Variants in SELENOF observed in about 807,000 individuals in gnomAD.
SELENOF encodes 15 kDa selenoprotein.
SELENOF carries 16 observed loss-of-function variants against 20.5 expected under a neutral mutation model. The ratio of observed to expected loss-of-function variants is 0.78; its 90% CI spans 0.53 to 1.19. The LOEUF is 1.19. SELENOF is among the 50% of genes most tolerant of loss of function. The probability of loss-of-function intolerance (pLI) is 0.00; values close to 1 mark genes in which losing one functional copy is unlikely to be tolerated. For missense variants in SELENOF, 215 were observed against 194.2 expected (o/e 1.11, Z -0.64); for synonymous variants, 78 against 74.5 (o/e 1.05, Z -0.24).
At chr1:86,899,996 C>G (rs890215800) in intron 2 of SELENOF, among the ~76,000 whole-genome samples, 2 of 150,682 alleles carry the variant, frequency 1.3e-5, no homozygotes, top group Non-Finnish European at 3.0e-5. Context: ...GATGGGCGGC[C>G]GGGCAGAGAC....
intron 2 of SELENOF, among the ~76,000 whole-genome samples, chr1:86,888,355 A>ATTTTATTT (rs1419592828): frequency 9.2e-5 from 14 of 152,312 alleles, no homozygotes; most frequent in African/African-American, 3.4e-4. Flanking sequence ...CCTTGGTAAT[A>ATTTTATTT]CTAAAAGTAT....
intron 3 of SELENOF, among the ~76,000 whole-genome samples, chr1:86,872,732 C>T (rs375568357): frequency 2.1e-4 from 32 of 151,860 alleles, no homozygotes; most frequent in African/African-American, 6.5e-4. Flanking sequence ...GTGGAAACCC[C>T]GTCTCAATAC....
chr1:86,908,490 G>A (rs1659888554), intron 1 of SELENOF, among the ~76,000 whole-genome samples: 2 of 152,204 alleles, frequency 1.3e-5, no homozygotes, highest in Non-Finnish European at 2.9e-5. Flanking sequence ...AGACCACACA[G>A]GAAACAAGAG....
chr1:86,914,310 C>G, upstream of SELENOF: 1 of 596,948 alleles, frequency 1.7e-6, no homozygotes, highest in Non-Finnish European at 3.0e-6. Context: ...AAATCAGGCA[C>G]TTGCCTAAAC....
chr1:86,867,644 T>G (rs1658637458), intron 4 of SELENOF, among the ~76,000 whole-genome samples: 1 of 152,140 alleles, frequency 6.6e-6, no homozygotes, highest in African/African-American at 2.4e-5. Context: ...GGTAGATATG[T>G]AATATTATGC....
At chr1:86,865,279 T>C (rs957792402) in intron 4 of SELENOF, among the ~76,000 whole-genome samples, 5 of 151,838 alleles carry the variant, frequency 3.3e-5, no homozygotes, top group Non-Finnish European at 5.9e-5. Flanking sequence ...ACAAAAACAG[T>C]AACAGGACCA....
At chr1:86,883,471 T>TGTACACTAGTGTATAGTGTAC (rs1659131676) in intron 2 of SELENOF, among the ~76,000 whole-genome samples, 1 of 151,582 alleles carries the variant, frequency 6.6e-6, no homozygotes, top group Non-Finnish European at 1.5e-5. Flanking sequence ...GTATAGTGTA[T>TGTACACTAGTGTATAGTGTAC]GTACACTAGT....
chr1:86,864,762 G>A (rs569023690), intron 4 of SELENOF, among the ~76,000 whole-genome samples: 1 of 150,728 alleles, frequency 6.6e-6, no homozygotes, highest in Admixed American at 6.6e-5. Flanking sequence ...TCAGCCTCCC[G>A]AGTAGCTGGG....
intron 1 of SELENOF, among the ~76,000 whole-genome samples, chr1:86,904,684 C>T (rs943625668): frequency 2.6e-5 from 4 of 152,146 alleles, no homozygotes; most frequent in South Asian, 2.1e-4. Flanking sequence ...TTTCCTAACA[C>T]CCCAAACTCA....
intron 3 of SELENOF, among the ~76,000 whole-genome samples, chr1:86,871,966 A>G (rs909977223): frequency 2.0e-5 from 3 of 152,082 alleles, no homozygotes; most frequent in Non-Finnish European, 1.5e-5. Flanking sequence ...TTTTCTTTTA[A>G]AAGATTCTGG....
chr1:86,913,934 C>G, intron 1 of SELENOF, 94 bp downstream of exon 1: 1 of 1,207,062 alleles, frequency 8.3e-7, no homozygotes, highest in Non-Finnish European at 1.2e-6. Context: ...GCAGTCCTCC[C>G]CACCCTTTTC....
At chr1:86,910,056 G>A (rs536626101) in intron 1 of SELENOF, among the ~76,000 whole-genome samples, 2 of 152,252 alleles carry the variant, frequency 1.3e-5, no homozygotes, top group South Asian at 4.1e-4. Context: ...TCTGGAAGTG[G>A]AATGTGAGTT....
chr1:86,870,007 T>C (rs1435634249), intron 3 of SELENOF, among the ~76,000 whole-genome samples: 1 of 152,166 alleles, frequency 6.6e-6, no homozygotes, highest in East Asian at 1.9e-4. Flanking sequence ...TCTCCTGACC[T>C]TGTGATCCGC....
At chr1:86,884,384 C>CAA (rs1659162089) in intron 2 of SELENOF, among the ~76,000 whole-genome samples, 1 of 151,726 alleles carries the variant, frequency 6.6e-6, no homozygotes, top group Non-Finnish European at 1.5e-5. Flanking sequence ...CACATATACA[C>CAA]ACACATATAT....
intron 2 of SELENOF, among the ~76,000 whole-genome samples, chr1:86,886,823 A>G (rs1006508120): frequency 6.6e-6 from 1 of 152,168 alleles, no homozygotes; most frequent in African/African-American, 2.4e-5. Context: ...GGGATTTTAA[A>G]ATAAGGAAGC....
chr1:86,867,631 A>G (rs1658636823), intron 4 of SELENOF, among the ~76,000 whole-genome samples: 1 of 152,170 alleles, frequency 6.6e-6, no homozygotes, highest in Non-Finnish European at 1.5e-5. Flanking sequence ...ATGATACTGT[A>G]ATGGTAGATA....
intron 3 of SELENOF, among the ~76,000 whole-genome samples, chr1:86,875,399 C>A (rs531445315): frequency 4.7e-4 from 71 of 152,096 alleles, no homozygotes; most frequent in African/African-American, 1.5e-3. Flanking sequence ...GAAGACAAGA[C>A]AAACTAAAAA....
intron 2 of SELENOF, among the ~76,000 whole-genome samples, chr1:86,883,348 G>T (rs1421001973): frequency 6.6e-6 from 1 of 152,112 alleles, no homozygotes; most frequent in Non-Finnish European, 1.5e-5. Flanking sequence ...AGACTCCGGA[G>T]AAAGATGGTT....
intron 2 of SELENOF, among the ~76,000 whole-genome samples, chr1:86,881,985 G>C (rs575525443): frequency 1.3e-5 from 2 of 152,102 alleles, no homozygotes; most frequent in African/African-American, 4.8e-5. Context: ...TGTAATTGCC[G>C]CTCTTAGGGA....
Sources: gnomAD v4.1 joint callset for allele counts (sites outside exome capture counted in the v4.1 genomes callset) on GRCh38, gnomAD v4.1.1 for gene constraint, MANE v1.5 for transcripts, NCBI Gene and HGNC (gene_info 2026-07-23, HGNC 2026-07-21) for gene names.